PRKAR1A: variants seen among roughly 807,000 people sequenced by gnomAD.
PRKAR1A encodes protein kinase cAMP-dependent type I regulatory subunit alpha, also known as cAMP-dependent protein kinase type I-alpha regulatory subunit.
A neutral mutation model predicts 52.0 loss-of-function variants in PRKAR1A; 3 were observed. The observed-to-expected ratio is 0.06, with a 90% CI of 0.03 to 0.15. The LOEUF (loss-of-function observed/expected upper bound fraction) is 0.15, where lower values mean the gene tolerates loss of function less well. PRKAR1A is among the 10% of genes least tolerant of loss of function. PRKAR1A has a pLI of 1.00. For synonymous variants in PRKAR1A, 188 were observed against 168.4 expected (o/e 1.12, Z -0.90); for missense variants, 240 against 477.4 (o/e 0.50, Z 4.63).
At chr17:68,510,914 G>C (rs879295935), upstream of PRKAR1A, among the ~76,000 whole-genome samples, 1 of 152,144 alleles carries the variant, frequency 6.6e-6, no homozygotes, top group South Asian at 2.1e-4. Flanking sequence ...GTCGGCCTCC[G>C]AGGGCAGCGC....
chr17:68,501,563 C>G, the PRKAR1A span, among the ~76,000 whole-genome samples: 2 of 152,200 alleles, frequency 1.3e-5, no homozygotes, highest in Admixed American at 6.5e-5. Context: ...TCAAGCCATC[C>G]TCCCACCTCA....
At position 68,548,894 on chromosome 17, in the gene PRKAR1A, G is replaced by A. The variant is rs1026165318; in HGVS notation, c.974-2190G>A. Among the ~76,000 whole-genome samples, 8 of 151,574 alleles carry A rather than the reference G, an allele frequency of 5.3e-5. No individual in the cohort carries two copies. In the South Asian group the frequency reaches 8.4e-4, roughly 16 times the overall value. On this transcript the variant is annotated intron_variant, in intron 11 of 11. Coordinates refer to the PRKAR1A transcript ENST00000585981. ...ACTACCGGCACCCACCACCACGCCC[G>A]GCTAATTTTTTGTATTTTTAGTAGA...
At chr17:68,436,524 G>A in the PRKAR1A span, 1 of 1,573,646 alleles carries the variant, frequency 6.4e-7, no homozygotes, top group South Asian at 1.1e-5. Context: ...GGCCAAGGGA[G>A]AGATTGCACG....
chr17:68,534,881 A>AC (rs529670992), downstream of PRKAR1A, among the ~76,000 whole-genome samples: 1,238 of 152,188 alleles, frequency 8.1e-3, 12 homozygotes, highest in Non-Finnish European at 0.011. Context: ...CAGCAACCTA[A>AC]CCCTGTATTT....
the PRKAR1A span, among the ~76,000 whole-genome samples, chr17:68,488,527 A>G: frequency 6.6e-6 from 1 of 152,056 alleles, no homozygotes; most frequent in Non-Finnish European, 1.5e-5. Context: ...CAGGAGTTCC[A>G]GACCAGCCTG....
At chr17:68,443,013 C>A in the PRKAR1A span, among the ~76,000 whole-genome samples, 1 of 152,212 alleles carries the variant, frequency 6.6e-6, no homozygotes, top group African/African-American at 2.4e-5. Context: ...CTTCACGTAC[C>A]GTCTTCCATT....
intron 11 of PRKAR1A, among the ~76,000 whole-genome samples, chr17:68,545,454 G>A (rs578011176): frequency 6.0e-4 from 92 of 152,318 alleles, no homozygotes; most frequent in Admixed American, 4.6e-4. Flanking sequence ...CAATAAATAT[G>A]CAATAGCATT....
chr17:68,525,065 G>T (rs1262665586), intron 6 of PRKAR1A, 107 bp downstream of exon 6: 6 of 898,812 alleles, frequency 6.7e-6, no homozygotes, highest in Non-Finnish European at 1.1e-5. Flanking sequence ...TCCCTTGTAT[G>T]TCAGATTTTA....
the PRKAR1A span, among the ~76,000 whole-genome samples, chr17:68,472,383 G>A: frequency 2.6e-5 from 4 of 152,124 alleles, no homozygotes; most frequent in African/African-American, 4.8e-5. Flanking sequence ...GAACTCCCAG[G>A]AACTTTCCTG....
chr17:68,481,373 T>A, the PRKAR1A span, among the ~76,000 whole-genome samples: 1 of 152,242 alleles, frequency 6.6e-6, no homozygotes. Flanking sequence ...CAACTTACCA[T>A]AATGTAAAAT....
chr17:68,415,719 T>C, the PRKAR1A span, among the ~76,000 whole-genome samples: 3 of 152,302 alleles, frequency 2.0e-5, no homozygotes, highest in South Asian at 4.1e-4. Flanking sequence ...GGAGCATATA[T>C]GTTTAGGATT....
chr17:68,507,855 A>G (rs1480432647), upstream of PRKAR1A, among the ~76,000 whole-genome samples: 1 of 152,184 alleles, frequency 6.6e-6, no homozygotes, highest in Admixed American at 6.5e-5. Context: ...ATTCATACAA[A>G]TATCTGGACT....
rs2085973059 is a variant in PRKAR1A at position 68,531,449 on chromosome 17, A to T, written c.*1000A>T. 9.4e-6 allele frequency: 10 copies of T among 1,066,170 alleles called. No homozygotes were observed. The highest frequency in any genetic ancestry group is 1.6e-5 in the African/African-American group (1 of 61,232). The allele number at this position is 1,066,170 out of a possible 1,614,324, so 66.0% of individuals were successfully genotyped here. On this transcript the variant is annotated 3_prime_UTR_variant, in exon 11 of 11. Coordinates refer to ENST00000589228, the MANE Select transcript of PRKAR1A (RefSeq NM_002734.5). Reference sequence around the variant, plus strand: ...ATGTCCTAACAGAGAAATAGAGGTGATGCTGCTAAAGGGAGAAATGCCAGG... The same window carrying T: ...ATGTCCTAACAGAGAAATAGAGGTGTTGCTGCTAAAGGGAGAAATGCCAGG...
the PRKAR1A span, among the ~76,000 whole-genome samples, chr17:68,480,096 C>T: frequency 1.7e-4 from 26 of 152,250 alleles, no homozygotes; most frequent in African/African-American, 5.8e-4. Context: ...ACAGCCAAAG[C>T]TTATCAATCT....
Position 68,523,428 on chromosome 17 carries a change from T to C in PRKAR1A, c.349-297T>C, listed in dbSNP as rs140481506. Among the ~76,000 whole-genome samples the C allele has an allele frequency of 1.8e-3, 273 of 152,328 alleles. 2 individuals carry two copies. Among genetic ancestry groups the C allele is most frequent in the African/African-American group, 5.7e-3 (236 of 41,570 alleles). On this transcript the variant is annotated intron_variant, in intron 3 of 10. Coordinates refer to ENST00000589228, the MANE Select transcript of PRKAR1A (RefSeq NM_002734.5). The stretch of plus-strand genomic sequence containing the variant: ...GACTAATTATTATAAAATACTTAGT[T>C]TTGCCTCAGAATAATGACCTTGGTC...
the PRKAR1A span, chr17:68,444,417 G>A: frequency 3.6e-6 from 5 of 1,375,878 alleles, no homozygotes; most frequent in South Asian, 6.2e-5. Context: ...TTCGCAATTT[G>A]GAGGAAAATA....
the PRKAR1A span, among the ~76,000 whole-genome samples, chr17:68,437,400 C>T: frequency 1.3e-5 from 2 of 151,802 alleles, no homozygotes; most frequent in African/African-American, 4.8e-5. Context: ...ATTAAAAATA[C>T]AAAAATTAGT....
At chr17:68,432,624 C>G in the PRKAR1A span, among the ~76,000 whole-genome samples, 1 of 151,998 alleles carries the variant, frequency 6.6e-6, no homozygotes, top group Non-Finnish European at 1.5e-5. Context: ...GCCTCTGTTA[C>G]GTATGTGTTA....
chr17:68,516,671 T>C (rs1016300406), intron 2 of PRKAR1A, among the ~76,000 whole-genome samples: 7 of 152,270 alleles, frequency 4.6e-5, no homozygotes, highest in South Asian at 2.1e-4. Flanking sequence ...AGGTATTTTC[T>C]ATTTTCTTTA....
Sources: gnomAD v4.1 joint callset for allele counts (sites outside exome capture counted in the v4.1 genomes callset) on GRCh38, gnomAD v4.1.1 for gene constraint, MANE v1.5 for transcripts, NCBI Gene and HGNC (gene_info 2026-07-23, HGNC 2026-07-21) for gene names.